The following ASAP2 variants were observed in gnomAD, a reference collection of about 807,000 sequenced individuals.
The protein encoded by ASAP2 is ArfGAP with SH3 domain, ankyrin repeat and PH domain 2.
A neutral mutation model predicts 131.4 loss-of-function variants in ASAP2; 45 were observed. The ratio of observed to expected loss-of-function variants is 0.34; its 90% confidence interval spans 0.27 to 0.44. The LOEUF (loss-of-function observed/expected upper bound fraction) is 0.44, where lower values mean the gene tolerates loss of function less well. Ranked by LOEUF, ASAP2 falls within the 20% of genes least tolerant of loss-of-function variation. ASAP2 has a pLI of 1.00. For synonymous variants in ASAP2, 510 were observed against 503.0 expected, an observed-to-expected ratio of 1.01 and a Z score of -0.19; for missense variants, 1,011 against 1,297.0, an observed-to-expected ratio of 0.78 and a Z score of 3.39.
rs1278717307 is a variant in ASAP2, at chr2:9,333,968, T to C, written c.687-770T>C. On this transcript the variant is annotated intron_variant, in intron 7 of 27. Coordinates refer to ENST00000281419, the MANE Select transcript of ASAP2 (RefSeq NM_003887.3). The stretch of plus-strand genomic sequence containing the variant: ...ACGGTTTCCTACCCCGCAGACACAG[T>C]GTGGCCACCAAAGCTGCTTGGTTGG... Among the ~76,000 whole-genome samples, 5 of 151,442 alleles carry C rather than the reference T, an allele frequency of 3.3e-5. 1 individual carries two copies. Among genetic ancestry groups the C allele is most frequent in the South Asian group, 4.2e-4 (2 of 4,788 alleles).
At chr2:9,385,385 G>C (rs745783935) in intron 21 of ASAP2, 27 bp downstream of exon 21, 147 of 1,559,156 alleles carry the variant, frequency 9.4e-5, no homozygotes, top group Non-Finnish European at 1.2e-4. Flanking sequence ...TAACCATTAA[G>C]AGTTTTGATC....
chr2:9,393,698 C>T, intron 24 of ASAP2, 51 bp downstream of exon 24: 1 of 1,512,072 alleles, frequency 6.6e-7, no homozygotes, highest in Non-Finnish European at 8.9e-7. Flanking sequence ...CCTCTGACCT[C>T]ACCTGCCCAG....
intron 20 of ASAP2, among the ~76,000 whole-genome samples, chr2:9,383,109 CA>C (rs1418317374): frequency 6.6e-6 from 1 of 150,728 alleles, no homozygotes; most frequent in East Asian, 1.9e-4. Context: ...TCGGGGGGGC[CA>C]CGGGACTGTT....
intron 24 of ASAP2, among the ~76,000 whole-genome samples, chr2:9,394,773 A>G (rs1675987461): frequency 6.6e-6 from 1 of 152,220 alleles, no homozygotes; most frequent in Non-Finnish European, 1.5e-5. Flanking sequence ...TTCTGCTGAC[A>G]GATTGTCAGG....
At chr2:9,370,048 C>G (rs1345132815) in intron 16 of ASAP2, among the ~76,000 whole-genome samples, 1 of 152,152 alleles carries the variant, frequency 6.6e-6, no homozygotes, top group African/African-American at 2.4e-5. Context: ...CCATGTTGGT[C>G]AGGCTGGTCT....
chr2:9,249,503 G>T (rs1328309757), intron 1 of ASAP2, among the ~76,000 whole-genome samples: 1 of 152,228 alleles, frequency 6.6e-6, no homozygotes, highest in Non-Finnish European at 1.5e-5. Flanking sequence ...GCCTGCTCCA[G>T]ACAACCCCTA....
Position 9,334,396 on chromosome 2 carries a change from C to T in ASAP2, c.687-342C>T, listed in dbSNP as rs373041234. Reference sequence around the variant, plus strand: ...TTTTCCATGTCGCGGTCGCCTGTTGCGGCACATTCTTCAGTGTCTTCCACT... The same window carrying T: ...TTTTCCATGTCGCGGTCGCCTGTTGTGGCACATTCTTCAGTGTCTTCCACT... On this transcript the variant is annotated intron_variant, in intron 7 of 27. Transcript: ENST00000281419. Among the ~76,000 whole-genome samples, 9 of 152,120 alleles carry T rather than the reference C, an allele frequency of 5.9e-5. No individual in the cohort carries two copies. The South Asian group carries it at 8.3e-4, about 14-fold the overall frequency.
At position 9,344,030 on chromosome 2, in the gene ASAP2, G is replaced by A. The variant is rs370187197; in HGVS notation, c.850-502G>A. ...ATGTTCACATGTGTGATCCTATTGA[G>A]TCCTTACTGTTTATTGGCCTTACTG... is the stretch of plus-strand genomic sequence containing the variant. On this transcript the variant is annotated intron_variant, in intron 9 of 27. Transcript: ENST00000281419. Among the ~76,000 whole-genome samples the A allele has an allele frequency of 3.9e-5, 6 of 152,208 alleles. No homozygotes were observed. In the South Asian group the frequency reaches 1.2e-3, roughly 32 times the overall value.
rs188306578 is a variant in ASAP2, at chr2:9,366,319, C to A, written c.1462-2106C>A. Among the ~76,000 whole-genome samples, 382 of 152,202 alleles carry A rather than the reference C, an allele frequency of 2.5e-3. 2 individuals are homozygous for A. Among genetic ancestry groups the A allele is most frequent in the African/African-American group, 8.9e-3 (370 of 41,512 alleles). Reference sequence around the variant, plus strand: ...GATTCCTGGGGAATTCTCCTCCTCCCATCTCCCCACCCCCATCTGCTTAAC... The same window carrying A: ...GATTCCTGGGGAATTCTCCTCCTCCAATCTCCCCACCCCCATCTGCTTAAC... On this transcript the variant is annotated intron_variant, in intron 15 of 27. Transcript: ENST00000281419.
chr2:9,285,192 T>C (rs1667389050), intron 2 of ASAP2, among the ~76,000 whole-genome samples: 1 of 152,182 alleles, frequency 6.6e-6, no homozygotes, highest in African/African-American at 2.4e-5. Context: ...GCAGTGGTTA[T>C]AAACTGGAGA....
At chr2:9,351,144 T>G (rs892246534) in intron 12 of ASAP2, among the ~76,000 whole-genome samples, 4 of 152,228 alleles carry the variant, frequency 2.6e-5, no homozygotes, top group African/African-American at 9.6e-5. Context: ...ATTACCTGGC[T>G]CTCTGAGCCT....
chr2:9,349,715 A>G (rs1275931495), intron 11 of ASAP2, among the ~76,000 whole-genome samples: 2 of 152,212 alleles, frequency 1.3e-5, no homozygotes, highest in East Asian at 3.8e-4. Flanking sequence ...GTCCAAACTT[A>G]CATTTATTAA....
chr2:9,252,335 C>T (rs543856089), intron 1 of ASAP2, among the ~76,000 whole-genome samples: 17 of 152,292 alleles, frequency 1.1e-4, no homozygotes, highest in Non-Finnish European at 2.4e-4. Context: ...AATCCCAGCA[C>T]TTTGAGAGGT....
chr2:9,220,305 G>T (rs1662324965), intron 1 of ASAP2, among the ~76,000 whole-genome samples: 1 of 152,212 alleles, frequency 6.6e-6, no homozygotes, highest in Non-Finnish European at 1.5e-5. Context: ...CTGCCAAACT[G>T]TTTGCCAAAG....
intron 1 of ASAP2, among the ~76,000 whole-genome samples, chr2:9,258,016 T>A (rs530225087): frequency 7.2e-5 from 11 of 152,334 alleles, no homozygotes; most frequent in African/African-American, 2.6e-4. Context: ...TTAGAAGTGC[T>A]GTGCAGTTGG....
chr2:9,239,573 G>A (rs1413117758), intron 1 of ASAP2, among the ~76,000 whole-genome samples: 1 of 152,112 alleles, frequency 6.6e-6, no homozygotes, highest in Non-Finnish European at 1.5e-5. Context: ...TGAGAAAATT[G>A]AGGTCCAGCT....
Position 9,217,732 on chromosome 2 carries a change from C to T in ASAP2, c.126+10502C>T, listed in dbSNP as rs997186430. 4.0e-5 allele frequency among the ~76,000 whole-genome samples: 6 copies of T among 151,834 alleles called. No homozygotes were observed. The highest frequency in any genetic ancestry group is 4.8e-5 in the African/African-American group (2 of 41,382). ...TGGGTTCACGCCATTCTTCTGTCTC[C>T]GCCTCCCGAGTAGCTGGGACTACAG... On this transcript the variant is annotated intron_variant, in intron 1 of 27. Coordinates refer to ENST00000281419, the MANE Select transcript of ASAP2 (RefSeq NM_003887.3). This position sits in a 1 kb window ranked among gnomAD's most constrained non-coding sequence, Gnocchi z 4.0.
chr2:9,291,446 G>A (rs1304390799), intron 2 of ASAP2, among the ~76,000 whole-genome samples: 1 of 152,146 alleles, frequency 6.6e-6, no homozygotes, highest in African/African-American at 2.4e-5. Flanking sequence ...GAGATCATGC[G>A]CCACAAGTGA....
At chr2:9,332,931 T>G (rs926627579) in intron 7 of ASAP2, among the ~76,000 whole-genome samples, 6 of 152,216 alleles carry the variant, frequency 3.9e-5, no homozygotes, top group Admixed American at 6.5e-5. Flanking sequence ...TGTCTAAAGG[T>G]GAATGAAAAC....
Sources: allele counts gnomAD v4.1 joint callset (sites outside exome capture counted in the v4.1 genomes callset), GRCh38; gene constraint gnomAD v4.1.1; non-coding constraint Gnocchi (gnomAD v3.1); transcripts MANE v1.5; gene names NCBI Gene and HGNC (gene_info 2026-07-23, HGNC 2026-07-21).